The following SYT16 variants were observed in gnomAD, a reference collection of about 807,000 sequenced individuals.
SYT16 encodes synaptotagmin-16.
Under a neutral mutation model 61.4 loss-of-function variants are expected in SYT16, and 42 were observed. The observed-to-expected ratio is 0.68, with a 90% CI of 0.53 to 0.89. SYT16 has a LOEUF of 0.89. Ranked by LOEUF, SYT16 falls within the 40% of genes least tolerant of loss-of-function variation. The pLI, the probability that SYT16 is intolerant of heterozygous loss-of-function variation, is 0.00. For synonymous variants in SYT16, 314 were observed against 302.3 expected (o/e 1.04, Z -0.40); for missense variants, 804 against 807.3 (o/e 1.00, Z 0.05).
intron 1 of SYT16, among the ~76,000 whole-genome samples, chr14:61,816,301 G>T (rs544923211): frequency 6.6e-6 from 1 of 151,938 alleles, no homozygotes; most frequent in African/African-American, 2.4e-5. Context: ...AAGAGGGTGG[G>T]TGGGGGTCGG....
At chr14:62,012,893 G>A (rs1280250202) in intron 3 of SYT16, among the ~76,000 whole-genome samples, 7 of 152,274 alleles carry the variant, frequency 4.6e-5, no homozygotes, top group Non-Finnish European at 1.0e-4. Context: ...ACAGACTGCA[G>A]GGAAACTCAC....
At chr14:62,016,978 C>G (rs373009441) in intron 3 of SYT16, among the ~76,000 whole-genome samples, 1 of 152,244 alleles carries the variant, frequency 6.6e-6, no homozygotes, top group South Asian at 2.1e-4. Flanking sequence ...TATTTCACAA[C>G]TTAAGTTAGT....
At chr14:61,955,257 C>T (rs528302665) in intron 1 of SYT16, among the ~76,000 whole-genome samples, 1 of 152,212 alleles carries the variant, frequency 6.6e-6, no homozygotes, top group Admixed American at 6.5e-5. Context: ...CTAAAAGTTT[C>T]ATACTGTCCC....
intron 3 of SYT16, among the ~76,000 whole-genome samples, chr14:62,040,412 C>T (rs1254920): frequency 0.48 from 73,449 of 151,804 alleles, 18,076 homozygotes; most frequent in Middle Eastern, 0.6. Context: ...AATAAGAACC[C>T]AAATCTTTAT....
intron 1 of SYT16, chr14:61,864,834 G>T (rs2047087046): frequency 1.9e-6 from 2 of 1,026,034 alleles, no homozygotes; most frequent in African/African-American, 1.6e-5. Flanking sequence ...TATGACGGTG[G>T]GCCTTGCTAT....
intron 3 of SYT16, among the ~76,000 whole-genome samples, chr14:62,055,208 T>C (rs1174182283): frequency 6.6e-6 from 1 of 152,192 alleles, no homozygotes; most frequent in Non-Finnish European, 1.5e-5. Flanking sequence ...GGCCATTCAT[T>C]TGTATGCAAA....
chr14:61,965,531 C>A (rs1262364627), intron 1 of SYT16, among the ~76,000 whole-genome samples: 2 of 152,110 alleles, frequency 1.3e-5, no homozygotes. Flanking sequence ...ATCCCTCACC[C>A]CTGCCCCAAC....
intron 7 of SYT16, among the ~76,000 whole-genome samples, chr14:62,089,612 G>A (rs2057006068): frequency 2.0e-5 from 3 of 152,094 alleles, no homozygotes; most frequent in Admixed American, 1.3e-4. Context: ...AAATAAGTAC[G>A]GTAGCAGCAT....
At chr14:61,838,942 G>C (rs1415149325) in intron 1 of SYT16, among the ~76,000 whole-genome samples, 1 of 152,070 alleles carries the variant, frequency 6.6e-6, no homozygotes, top group African/African-American at 2.4e-5. Context: ...CAAGTGAAAG[G>C]GTGTTTATTG....
rs375373639 is a variant in SYT16 at position 61,899,943 on chromosome 14, A to G, written c.-324-70189A>G. Among the ~76,000 whole-genome samples, 4 of 152,122 alleles carry G rather than the reference A, an allele frequency of 2.6e-5. No individual in the cohort carries two copies. The South Asian group carries it at 6.3e-4, about 24-fold the overall frequency. ...GTTGATCTAAAAAATGGAAGAAGGG[A>G]TTGATAAAATGACTGACATAAGGCA... On this transcript the variant is annotated intron_variant, in intron 1 of 7. Coordinates refer to ENST00000683842, the MANE Select transcript of SYT16 (RefSeq NM_001367656.1).
At chr14:62,008,823 G>C (rs1292788978) in intron 3 of SYT16, among the ~76,000 whole-genome samples, 1 of 151,858 alleles carries the variant, frequency 6.6e-6, no homozygotes, top group Non-Finnish European at 1.5e-5. Context: ...ACTGCTACAT[G>C]GTAGTCAACT....
intron 1 of SYT16, among the ~76,000 whole-genome samples, chr14:61,866,742 A>AAT (rs2047168603): frequency 6.6e-6 from 1 of 152,100 alleles, no homozygotes; most frequent in South Asian, 2.1e-4. Context: ...GCATGCTTTA[A>AAT]AGAGTAAAAA....
At chr14:61,846,256 G>A (rs2046443396) in intron 1 of SYT16, among the ~76,000 whole-genome samples, 1 of 152,014 alleles carries the variant, frequency 6.6e-6, no homozygotes, top group Non-Finnish European at 1.5e-5. Flanking sequence ...TGTTGAAGTA[G>A]AGCACTCCAC....
At chr14:61,940,241 A>ATT (rs995294233) in intron 1 of SYT16, among the ~76,000 whole-genome samples, 2 of 142,660 alleles carry the variant, frequency 1.4e-5, no homozygotes, top group East Asian at 4.1e-4. Flanking sequence ...TTTTATTTCT[A>ATT]TTTTTTTTTT....
At chr14:61,977,513 C>T (rs1440859577) in intron 2 of SYT16, among the ~76,000 whole-genome samples, 1 of 152,118 alleles carries the variant, frequency 6.6e-6, no homozygotes, top group Non-Finnish European at 1.5e-5. Context: ...GGAATAGCTC[C>T]TTATGAAACC....
At chr14:61,814,382 A>C (rs1480698454) in intron 1 of SYT16, among the ~76,000 whole-genome samples, 1 of 152,214 alleles carries the variant, frequency 6.6e-6, no homozygotes, top group African/African-American at 2.4e-5. Flanking sequence ...TTATTAATGA[A>C]AAACAAAGGC....
At chr14:62,014,094 G>A (rs1043398773) in intron 3 of SYT16, among the ~76,000 whole-genome samples, 7 of 151,744 alleles carry the variant, frequency 4.6e-5, no homozygotes, top group East Asian at 1.9e-4. Context: ...TCCTTTGCCC[G>A]TTCCTTAAAT....
At chr14:61,918,728 G>C (rs2049214793) in intron 1 of SYT16, among the ~76,000 whole-genome samples, 1 of 152,046 alleles carries the variant, frequency 6.6e-6, no homozygotes, top group African/African-American at 2.4e-5. Context: ...TATCTCTGGG[G>C]GGTGGGGTGA....
At chr14:62,059,820 G>A (rs1021772980) in intron 3 of SYT16, among the ~76,000 whole-genome samples, 1 of 149,154 alleles carries the variant, frequency 6.7e-6, no homozygotes, top group Non-Finnish European at 1.5e-5. Flanking sequence ...AGATAGAAGG[G>A]TTGATGTTTC....
Sources: gnomAD v4.1 joint callset for allele counts (sites outside exome capture counted in the v4.1 genomes callset) on GRCh38, gnomAD v4.1.1 for gene constraint, MANE v1.5 for transcripts, NCBI Gene and HGNC (gene_info 2026-07-23, HGNC 2026-07-21) for gene names.